The following NF1 variants were observed in gnomAD, a reference collection of about 807,000 sequenced individuals.
The protein encoded by NF1 is neurofibromin 1.
In NF1, 122 loss-of-function variants were observed where a neutral mutation model predicts 325.7. The ratio of observed to expected loss-of-function variants is 0.37; its 90% confidence interval spans 0.32 to 0.44. The LOEUF (loss-of-function observed/expected upper bound fraction) is 0.44, where lower values mean the gene tolerates loss of function less well. NF1 is among the 20% of genes least tolerant of loss of function. The pLI is 1.00. For synonymous variants in NF1, 1,091 were observed against 1,186.0 expected, an observed-to-expected ratio of 0.92 and a Z score of 1.65; for missense variants, 2,140 against 3,415.4, an observed-to-expected ratio of 0.63 and a Z score of 9.31.
At chr17:31,266,552 G>A (rs902275860) in intron 36 of NF1, among the ~76,000 whole-genome samples, 7 of 152,032 alleles carry the variant, frequency 4.6e-5, no homozygotes, top group East Asian at 3.9e-4. Context: ...TTTCGTTTGC[G>A]TTTGAGATGA....
intron 29 of NF1, among the ~76,000 whole-genome samples, chr17:31,238,517 G>T (rs565854297): frequency 6.6e-6 from 1 of 152,066 alleles, no homozygotes; most frequent in South Asian, 2.1e-4. Flanking sequence ...GGCAGATCAC[G>T]AAGTCAGGAG....
intron 20 of NF1, among the ~76,000 whole-genome samples, chr17:31,228,758 C>T (rs1425952655): frequency 6.6e-6 from 1 of 152,114 alleles, no homozygotes; most frequent in Non-Finnish European, 1.5e-5. Flanking sequence ...TAGCTTCTTT[C>T]ACTTAGCATG....
intron 29 of NF1, among the ~76,000 whole-genome samples, chr17:31,237,000 G>T (rs564035855): frequency 6.6e-6 from 1 of 152,162 alleles, no homozygotes; most frequent in Non-Finnish European, 1.5e-5. Context: ...TTAAGTGAAT[G>T]AATTTTAACG....
chr17:31,331,922 A>T (rs1355173292), intron 39 of NF1: 9 of 145,502 alleles, frequency 6.2e-5, no homozygotes, highest in Non-Finnish European at 9.1e-5. Context: ...AAAAAAAAAA[A>T]AAAAAAAAAA....
chr17:31,337,294 A>C (rs979028850), intron 42 of NF1, 74 bp from the exon 43 acceptor site: 43 of 1,268,862 alleles, frequency 3.4e-5, no homozygotes, highest in Non-Finnish European at 4.7e-5. Context: ...TTCTAAATTC[A>C]AAATGAAACA....
intron 36 of NF1, among the ~76,000 whole-genome samples, chr17:31,269,322 A>G (rs1164910511): frequency 6.6e-6 from 1 of 152,168 alleles, no homozygotes; most frequent in African/African-American, 2.4e-5. Context: ...TATTCCATCC[A>G]ATATACTTAT....
Position 31,357,350 on chromosome 17 carries a change from C to T in NF1, c.7951C>T (p.Pro2651Ser), listed in dbSNP as rs367858662. ...EYLAEASVVFPKVFPVVHNLL... is the reference protein window; with the variant it reads ...EYLAEASVVFSKVFPVVHNLL... ...CTTAGCAGAGGCCAGTGTTGTGTTT[C>T]CCAAAGTCTTTCCTGTTGTGTAAGT... Residue 2651 changes from proline to serine, a missense_variant, in exon 54 of 58, where the codon CCC (proline) becomes TCC (serine). Around this residue, in one of 10 missense-constraint regions of NF1, gnomAD observed 522 missense variants for 749.0 expected, o/e 0.70. Coordinates refer to ENST00000358273, the MANE Select transcript of NF1 (RefSeq NM_001042492.3). 1.2e-6 allele frequency: 2 copies of T among 1,613,538 alleles called. No homozygotes were observed. The highest frequency in any genetic ancestry group is 2.7e-5 in the African/African-American group (2 of 74,898).
chr17:31,261,194 G>T (rs151251504), intron 34 of NF1, among the ~76,000 whole-genome samples: 5 of 150,440 alleles, frequency 3.3e-5, no homozygotes, highest in East Asian at 2.0e-4. Context: ...AGTGATCCAA[G>T]ATCGCACAAT....
At chr17:31,269,366 G>GGACATTGTTGC (rs918019939) in intron 36 of NF1, among the ~76,000 whole-genome samples, 6 of 152,070 alleles carry the variant, frequency 3.9e-5, no homozygotes, top group African/African-American at 1.4e-4. Context: ...CATAATACAA[G>GGACATTGTTGC]GACATTGTTG....
intron 15 of NF1, among the ~76,000 whole-genome samples, chr17:31,223,097 C>T (rs17881503): frequency 6.6e-6 from 1 of 152,102 alleles, no homozygotes; most frequent in Non-Finnish European, 1.5e-5. Context: ...CTTGCAGACC[C>T]CCACTGTGGA....
intron 11 of NF1, among the ~76,000 whole-genome samples, chr17:31,202,756 A>G (rs921712003): frequency 1.3e-5 from 2 of 152,234 alleles, no homozygotes; most frequent in African/African-American, 4.8e-5. Flanking sequence ...CCAAAAGGGA[A>G]AGTTTAATGA....
chr17:31,350,234 G>GA lies in NF1; in HGVS notation c.7376dup (p.Ser2460ValfsTer6). ...CGAAGTCGCTGCAGCCTAAAACATA[G>GA]AAAGTCACTTCTTCTTACTGATATT... On this transcript the variant is annotated frameshift_variant, in exon 50 of 58. Transcript: ENST00000358273. LOFTEE classifies it high-confidence loss of function. 1 of 1,613,852 alleles carries GA rather than the reference G, an allele frequency of 6.2e-7. No individual in the cohort carries two copies. The highest frequency in any genetic ancestry group is 8.5e-7 in the Non-Finnish European group (1 of 1,179,816).
At chr17:31,224,094 A>T (rs1186388368) in intron 16 of NF1, among the ~76,000 whole-genome samples, 1 of 152,148 alleles carries the variant, frequency 6.6e-6, no homozygotes, top group African/African-American at 2.4e-5. Context: ...AAGAAGCAAA[A>T]GGGAAACAGT....
intron 1 of NF1, among the ~76,000 whole-genome samples, chr17:31,117,536 G>C (rs370350408): frequency 2.0e-5 from 3 of 151,080 alleles, no homozygotes; most frequent in Admixed American, 6.6e-5. Flanking sequence ...AGCTGGGCGT[G>C]GTGGCGGGCT....
intron 3 of NF1, among the ~76,000 whole-genome samples, chr17:31,162,818 G>A (rs897275026): frequency 2.6e-5 from 4 of 152,184 alleles, no homozygotes; most frequent in African/African-American, 9.7e-5. Context: ...ATGACACAAT[G>A]CACTCATCAA....
At chr17:31,358,038 A>G (rs1050904019) in intron 54 of NF1, 1 of 191,976 alleles carries the variant, frequency 5.2e-6, no homozygotes, top group South Asian at 9.9e-5. Flanking sequence ...TCAGCATTTT[A>G]AAAGCACTGA....
intron 57 of NF1, among the ~76,000 whole-genome samples, chr17:31,367,959 TA>T (rs575282371): frequency 0.027 from 3,864 of 143,210 alleles, 169 homozygotes; most frequent in African/African-American, 0.09. Flanking sequence ...ACAAAAAAAT[TA>T]AAAAAAAAAA....
chr17:31,362,412 G>A (rs7502834), intron 57 of NF1: 540,151 of 933,378 alleles, frequency 0.58, 163,590 homozygotes, highest in Middle Eastern at 0.62. Flanking sequence ...GGGAGACTGA[G>A]TTTTAGAAGA....
intron 1 of NF1, among the ~76,000 whole-genome samples, chr17:31,145,180 G>A (rs1916502779): frequency 6.6e-6 from 1 of 152,058 alleles, no homozygotes; most frequent in African/African-American, 2.4e-5. Context: ...CTTTGCATGG[G>A]TCTTCCCGTT....
Sources: gnomAD v4.1 joint callset for allele counts (sites outside exome capture counted in the v4.1 genomes callset) on GRCh38, gnomAD v4.1.1 for gene constraint, gnomAD v4.1.1 regional missense constraint, MANE v1.5 for transcripts, NCBI Gene and HGNC (gene_info 2026-07-23, HGNC 2026-07-21) for gene names.